The following GRID2 variants were observed in gnomAD, a reference collection of about 807,000 sequenced individuals.
The protein encoded by GRID2 is glutamate receptor ionotropic, delta-2.
Under a neutral mutation model 114.8 loss-of-function variants are expected in GRID2, and 33 were observed. The observed-to-expected ratio is 0.29, with a 90% CI of 0.22 to 0.38. The LOEUF (loss-of-function observed/expected upper bound fraction) is 0.38, where lower values mean the gene tolerates loss of function less well. Ranked by LOEUF, GRID2 falls within the 10% of genes least tolerant of loss-of-function variation. GRID2 has a pLI of 1.00. For synonymous variants in GRID2, 505 were observed against 449.9 expected, an observed-to-expected ratio of 1.12 and a Z score of -1.55; for missense variants, 1,184 against 1,257.7, an observed-to-expected ratio of 0.94 and a Z score of 0.89.
chr4:92,637,855 C>T (rs1467995333), intron 2 of GRID2, among the ~76,000 whole-genome samples: 1 of 151,918 alleles, frequency 6.6e-6, no homozygotes, highest in African/African-American at 2.4e-5. Flanking sequence ...GGACAAGAGT[C>T]CATGTTTTCA....
At chr4:93,632,308 T>G (rs1346829363) in intron 14 of GRID2, among the ~76,000 whole-genome samples, 1 of 152,224 alleles carries the variant, frequency 6.6e-6, no homozygotes, top group South Asian at 2.1e-4. Flanking sequence ...ACGTCCTGAA[T>G]GGTATTGCCT....
chr4:92,515,016 A>T lies in GRID2; in HGVS notation c.89-75115A>T, dbSNP rs113703224. On this transcript the variant is annotated intron_variant, in intron 1 of 15. Transcript: ENST00000282020. The stretch of plus-strand genomic sequence containing the variant: ...CATCCAGCAGCGGATTGGATTAGTG[A>T]TTCTCCACAATTGCCCTCAACTATG... 4.3e-3 allele frequency among the ~76,000 whole-genome samples: 657 copies of T among 151,984 alleles called. 2 individuals carry two copies. Among genetic ancestry groups the T allele is most frequent in the African/African-American group, 0.015 (638 of 41,494 alleles).
At chr4:93,145,471 A>AT (rs1212438910) in intron 4 of GRID2, among the ~76,000 whole-genome samples, 7,597 of 144,724 alleles carry the variant, frequency 0.052, 548 homozygotes, top group African/African-American at 0.16. Context: ...TTATTTATTT[A>AT]TTTTTTTTTG....
chr4:92,629,788 TTTCTTG>T (rs1440368004), intron 2 of GRID2, among the ~76,000 whole-genome samples: 1 of 149,274 alleles, frequency 6.7e-6, no homozygotes, highest in Admixed American at 6.7e-5. Flanking sequence ...CTTTTTTTTT[TTTCTTG>T]TTCTTTACTG....
chr4:93,060,587 T>C (rs950828759), intron 2 of GRID2, among the ~76,000 whole-genome samples: 1 of 152,154 alleles, frequency 6.6e-6, no homozygotes, highest in African/African-American at 2.4e-5. Context: ...GGGCCATAAG[T>C]GCTCATAGAA....
chr4:92,596,003 T>TA (rs969453114), intron 2 of GRID2, among the ~76,000 whole-genome samples: 16 of 152,130 alleles, frequency 1.1e-4, no homozygotes, highest in African/African-American at 3.4e-4. Context: ...TTACTGTGAT[T>TA]AAAAAATCTG....
rs181439220 is a variant in GRID2 at position 92,778,980 on chromosome 4, C to T, written c.244+188694C>T. On this transcript the variant is annotated intron_variant, in intron 2 of 15. Transcript: ENST00000282020. Reference sequence around the variant, plus strand: ...GACACCCTATCACCCTTATACTTGGCTCCTATTTATTCCTAAAAAATCATT... The same window carrying T: ...GACACCCTATCACCCTTATACTTGGTTCCTATTTATTCCTAAAAAATCATT... Among the ~76,000 whole-genome samples the T allele has an allele frequency of 2.6e-4, 39 of 152,088 alleles. No individual in the cohort carries two copies. The East Asian group carries it at 7.2e-3, about 28-fold the overall frequency.
intron 7 of GRID2, among the ~76,000 whole-genome samples, chr4:93,228,535 G>T (rs916793922): frequency 2.6e-5 from 4 of 152,214 alleles, no homozygotes; most frequent in African/African-American, 9.6e-5. Flanking sequence ...ATTTTAATGA[G>T]AATTTTGGCT....
chr4:92,514,508 G>A (rs1401718434), intron 1 of GRID2, among the ~76,000 whole-genome samples: 1 of 151,812 alleles, frequency 6.6e-6, no homozygotes, highest in Non-Finnish European at 1.5e-5. Context: ...CATAGGCTGT[G>A]AAAATCTAAT....
At chr4:92,306,043 A>C (rs1050806731) in intron 1 of GRID2, among the ~76,000 whole-genome samples, 1 of 152,152 alleles carries the variant, frequency 6.6e-6, no homozygotes, top group Non-Finnish European at 1.5e-5. Context: ...ACACACACGC[A>C]CGTACACATA....
intron 1 of GRID2, among the ~76,000 whole-genome samples, chr4:92,444,406 T>C (rs962614274): frequency 6.7e-6 from 1 of 150,226 alleles, no homozygotes. Context: ...GGAGTGGGGG[T>C]CACAAGGTGC....
intron 4 of GRID2, among the ~76,000 whole-genome samples, chr4:93,188,568 T>C (rs1740661772): frequency 6.6e-6 from 1 of 152,196 alleles, no homozygotes; most frequent in African/African-American, 2.4e-5. Context: ...CACCAATCCA[T>C]AGTAACCTTA....
At chr4:93,504,073 C>T (rs748450246) in intron 12 of GRID2, among the ~76,000 whole-genome samples, 6 of 151,970 alleles carry the variant, frequency 3.9e-5, no homozygotes, top group Non-Finnish European at 8.8e-5. Flanking sequence ...CTAAATTAGC[C>T]TACACTTATT....
intron 2 of GRID2, among the ~76,000 whole-genome samples, chr4:92,920,142 C>G (rs1749186550): frequency 6.6e-6 from 1 of 152,078 alleles, no homozygotes; most frequent in Admixed American, 6.6e-5. Context: ...GGTTTAAAGT[C>G]TGTTTTATCA....
intron 1 of GRID2, among the ~76,000 whole-genome samples, chr4:92,357,008 C>T (rs372324763): frequency 2.6e-5 from 4 of 151,658 alleles, no homozygotes; most frequent in African/African-American, 9.7e-5. Flanking sequence ...GCAACATGCA[C>T]GGATCCACAA....
At chr4:92,679,144 T>A (rs1044673232) in intron 2 of GRID2, among the ~76,000 whole-genome samples, 4 of 152,100 alleles carry the variant, frequency 2.6e-5, no homozygotes, top group African/African-American at 9.7e-5. Flanking sequence ...TCTATTTCCT[T>A]CTTTTCATAA....
At chr4:92,697,166 T>C (rs1734457928) in intron 2 of GRID2, among the ~76,000 whole-genome samples, 1 of 152,196 alleles carries the variant, frequency 6.6e-6, no homozygotes, top group African/African-American at 2.4e-5. Flanking sequence ...GAACTTTACT[T>C]TTCCTGTTTC....
chr4:92,925,030 A>G (rs1347165309), intron 2 of GRID2, among the ~76,000 whole-genome samples: 1 of 152,114 alleles, frequency 6.6e-6, no homozygotes, highest in Non-Finnish European at 1.5e-5. Context: ...GCCACATTTT[A>G]ACATATGAAT....
chr4:93,164,772 G>C (rs187848965), intron 4 of GRID2: 12 of 419,038 alleles, frequency 2.9e-5, no homozygotes, highest in Admixed American at 2.7e-4. Context: ...GAAAGAATGT[G>C]AGTGATTTTT....
Sources: allele counts gnomAD v4.1 joint callset (sites outside exome capture counted in the v4.1 genomes callset), GRCh38; gene constraint gnomAD v4.1.1; transcripts MANE v1.5; gene names NCBI Gene and HGNC (gene_info 2026-07-23, HGNC 2026-07-21).